Variants in KCNQ1 observed in about 807,000 individuals in gnomAD.
The protein encoded by KCNQ1 is potassium voltage-gated channel subfamily KQT member 1.
Under a neutral mutation model 72.4 loss-of-function variants are expected in KCNQ1, and 49 were observed. The ratio of observed to expected loss-of-function variants is 0.68; its 90% CI spans 0.54 to 0.86. The LOEUF (loss-of-function observed/expected upper bound fraction) is 0.86. KCNQ1 is among the 40% of genes least tolerant of loss of function. The pLI, the probability that KCNQ1 is intolerant of heterozygous loss-of-function variation, is 0.00. For synonymous variants in KCNQ1, 450 were observed against 412.6 expected (o/e 1.09, Z -1.10); for missense variants, 790 against 945.1 (o/e 0.84, Z 2.15).
In KCNQ1 at chr11:2,762,554, C is replaced by G. The variant is rs1361792021; in HGVS notation, c.1515-6290C>G. 6.6e-6 allele frequency among the ~76,000 whole-genome samples: 1 copy of G among 152,212 alleles called. No homozygotes were observed. The highest frequency in any genetic ancestry group is 1.9e-4 in the East Asian group (1 of 5,188). On this transcript the variant is annotated intron_variant, in intron 11 of 15. Transcript: ENST00000155840. The surrounding 1 kb of genome is among the most constrained non-coding windows in gnomAD (Gnocchi z 4.3). Reference sequence around the variant, plus strand: ...GTCTAATGTCCTATTCCACGGGTCCCCAGGCCACAGACCGGTACCCATCCA... The same window carrying G: ...GTCTAATGTCCTATTCCACGGGTCCGCAGGCCACAGACCGGTACCCATCCA...
chr11:2,632,197 A>AG (rs1026006701), intron 10 of KCNQ1: 36 of 397,854 alleles, frequency 9.0e-5, no homozygotes, highest in Admixed American at 1.8e-4. Context: ...AAAAAAAAAA[A>AG]AAAAAAGAAA....
chr11:2,762,929 TAATC>T lies in KCNQ1; in HGVS notation c.1515-5912_1515-5909del, dbSNP rs1328113859. 2.0e-5 allele frequency among the ~76,000 whole-genome samples: 3 copies of T among 152,218 alleles called. No homozygotes were observed. The highest frequency in any genetic ancestry group is 2.9e-5 in the Non-Finnish European group (2 of 68,030). On this transcript the variant is annotated intron_variant, in intron 11 of 15. Transcript: ENST00000155840. The surrounding 1 kb of genome is among the most constrained non-coding windows in gnomAD (Gnocchi z 4.3). Reference sequence around the variant, plus strand: ...GTTCATCTGTCTGCCCACACGCTCTTAATCAAGCCCTGTGGCCTCATGAAACCCT... The same window carrying T: ...GTTCATCTGTCTGCCCACACGCTCTTAAGCCCTGTGGCCTCATGAAACCCT...
chr11:2,583,239 C>T (rs371574457), intron 6 of KCNQ1, among the ~76,000 whole-genome samples, 196 bp from the exon 7 acceptor site: 5 of 152,252 alleles, frequency 3.3e-5, no homozygotes, highest in South Asian at 2.1e-4. Flanking sequence ...TTGTGTGTGA[C>T]GCCGAGAGCC....
chr11:2,769,183 G>T lies in KCNQ1; in HGVS notation c.1590+264G>T, dbSNP rs1846548476. 6.6e-6 allele frequency among the ~76,000 whole-genome samples: 1 copy of T among 152,134 alleles called. No homozygotes were observed. Among genetic ancestry groups the T allele is most frequent in the Non-Finnish European group, 1.5e-5 (1 of 68,040 alleles). On this transcript the variant is annotated intron_variant, in intron 12 of 15. Transcript: ENST00000155840. The surrounding 1 kb of genome is among the most constrained non-coding windows in gnomAD (Gnocchi z 4.6). Reference sequence around the variant, plus strand: ...TGTCTTCTTCACCAAGTAGAAGGCAGCAGCCGTGTAGCTCACTCAGTCCTC... The same window carrying T: ...TGTCTTCTTCACCAAGTAGAAGGCATCAGCCGTGTAGCTCACTCAGTCCTC...
intron 13 of KCNQ1, among the ~76,000 whole-genome samples, chr11:2,776,687 G>A (rs1846708288): frequency 6.6e-6 from 1 of 152,172 alleles, no homozygotes; most frequent in Non-Finnish European, 1.5e-5. Flanking sequence ...CACAGGCGAG[G>A]GGTCAGGCTG....
At chr11:2,461,864 G>A in intron 1 of KCNQ1, 1 of 525,198 alleles carries the variant, frequency 1.9e-6, no homozygotes, top group Non-Finnish European at 3.2e-6. Flanking sequence ...AGGGGTGGGT[G>A]GACGGAGGGA....
At chr11:2,614,317 T>A (rs1849026015) in intron 10 of KCNQ1, 1 of 398,500 alleles carries the variant, frequency 2.5e-6, no homozygotes, top group East Asian at 3.6e-5. Flanking sequence ...TGGTGATAAT[T>A]CTGTCTGTGC....
In KCNQ1 at chr11:2,518,451, A is replaced by G. The variant is rs182145612; in HGVS notation, c.387-9477A>G. 3.9e-5 allele frequency among the ~76,000 whole-genome samples: 6 copies of G among 152,282 alleles called. No homozygotes were observed. In the East Asian group the frequency reaches 7.8e-4, roughly 20 times the overall value. On this transcript the variant is annotated intron_variant, in intron 1 of 15. Coordinates refer to ENST00000155840, the MANE Select transcript of KCNQ1 (RefSeq NM_000218.3). ...GCCTGGTGGCCCCGGCAGGGGGACC[A>G]GCCTCTGGGGAGGTGCTGCAGGCAC...
At chr11:2,460,613 A>G (rs1411699900) in intron 1 of KCNQ1, among the ~76,000 whole-genome samples, 2 of 152,280 alleles carry the variant, frequency 1.3e-5, no homozygotes, top group East Asian at 3.9e-4. Context: ...CCCAGCTGTA[A>G]GTGGACCTTG....
intron 15 of KCNQ1, among the ~76,000 whole-genome samples, chr11:2,778,741 C>T (rs1564890281): frequency 6.6e-6 from 1 of 152,262 alleles, no homozygotes; most frequent in Admixed American, 6.5e-5. Flanking sequence ...AGTCCGTCTA[C>T]ATGGACTTTA....
chr11:2,475,816 A>G lies in KCNQ1; in HGVS notation c.386+30332A>G, dbSNP rs1589901547. 2.0e-5 allele frequency among the ~76,000 whole-genome samples: 3 copies of G among 152,212 alleles called. No individual in the cohort carries two copies. The highest frequency in any genetic ancestry group is 2.1e-4 in the South Asian group (1 of 4,822). ...GTTTTAAAAAGAGGCATTCCGCTACACAAGCTCTCTCATGTTTTGCCTGCC... is the reference window on the plus strand; with the variant it reads ...GTTTTAAAAAGAGGCATTCCGCTACGCAAGCTCTCTCATGTTTTGCCTGCC... On this transcript the variant is annotated intron_variant, in intron 1 of 15. Transcript: ENST00000155840. This position sits in a 1 kb window ranked among gnomAD's most constrained non-coding sequence, Gnocchi z 5.8.
Position 2,673,338 on chromosome 11 carries a change from A to G in KCNQ1, c.1514+11257A>G, listed in dbSNP as rs1003589171. The G allele has an allele frequency of 3.0e-5, 12 of 398,626 alleles. No individual in the cohort carries two copies. Among genetic ancestry groups the G allele is most frequent in the Non-Finnish European group, 4.4e-6 (1 of 226,136 alleles). The allele number at this position is 398,626 out of a possible 1,614,324, so 24.7% of individuals were successfully genotyped here. Reference sequence around the variant, plus strand: ...GGCTACCAGGCCAGCTTTTGGAAACAGTCTCATTAGCAAACAAAGGGAAGT... The same window carrying G: ...GGCTACCAGGCCAGCTTTTGGAAACGGTCTCATTAGCAAACAAAGGGAAGT... On this transcript the variant is annotated intron_variant, in intron 11 of 15. Transcript: ENST00000155840. This position sits in a 1 kb window ranked among gnomAD's most constrained non-coding sequence, Gnocchi z 4.5.
chr11:2,614,818 G>C (rs989441407), intron 10 of KCNQ1: 86 of 398,262 alleles, frequency 2.2e-4, no homozygotes, highest in African/African-American at 1.6e-3. Flanking sequence ...TTTGAAAATG[G>C]CAGGCCTGAG....
Position 2,620,710 on chromosome 11 carries a change from AT to A in KCNQ1, c.1393+31857del, listed in dbSNP as rs1251233113. 1 of 398,574 alleles carries A rather than the reference AT, an allele frequency of 2.5e-6. No individual in the cohort carries two copies. The highest frequency in any genetic ancestry group is 6.3e-4 in the Middle Eastern group (1 of 1,588). 24.7% of individuals were successfully genotyped at this position (398,574 alleles called of 1,614,324 possible). A position where few individuals can be genotyped will look rare whatever the true frequency, so the allele number is the denominator to read the frequency against. On this transcript the variant is annotated intron_variant, in intron 10 of 15. Transcript: ENST00000155840. The surrounding 1 kb of genome is among the most constrained non-coding windows in gnomAD (Gnocchi z 4.5). ...TTTTCCTTTGAATATATATCCAGTA[AT>A]GGGATTGCTGGGTCAGATGGTAGTT...
chr11:2,576,024 C>G (rs551084071), intron 6 of KCNQ1, among the ~76,000 whole-genome samples: 1 of 152,262 alleles, frequency 6.6e-6, no homozygotes, highest in African/African-American at 2.4e-5. Context: ...CAGGCCCTGT[C>G]TCTCATGAGG....
intron 11 of KCNQ1, among the ~76,000 whole-genome samples, chr11:2,757,783 A>G (rs1333694195): frequency 6.6e-6 from 1 of 152,254 alleles, no homozygotes; most frequent in Non-Finnish European, 1.5e-5. Context: ...TAATTTTAAG[A>G]CAAAGATGCA....
Position 2,684,812 on chromosome 11 carries a change from T to C in KCNQ1, c.1514+22731T>C, listed in dbSNP as rs77387434. The C allele has an allele frequency of 3.0e-3, 1,191 of 398,672 alleles. 13 individuals are homozygous for C. The highest frequency in any genetic ancestry group is 0.021 in the African/African-American group (1,045 of 48,750). 24.7% of individuals were successfully genotyped at this position (398,672 alleles called of 1,614,324 possible). On this transcript the variant is annotated intron_variant, in intron 11 of 15. Coordinates refer to ENST00000155840, the MANE Select transcript of KCNQ1 (RefSeq NM_000218.3). The stretch of plus-strand genomic sequence containing the variant: ...CACTGGTCTGGGCACATTCCAAGGC[T>C]TGAGGTCTCCTAGTCAAGGCCTCCT...
intron 10 of KCNQ1, chr11:2,615,234 T>C (rs1328077859): frequency 1.0e-5 from 4 of 398,036 alleles, no homozygotes; most frequent in Non-Finnish European, 1.8e-5. Context: ...ATGATTTTCT[T>C]AAAATAAATG....
rs548214997 is a variant in KCNQ1 at position 2,587,808 on chromosome 11, T to A, written c.1251+116T>A. The A allele has an allele frequency of 2.5e-5, 35 of 1,419,728 alleles. No homozygotes were observed. The East Asian group carries it at 4.8e-4, about 20-fold the overall frequency. 87.9% of individuals were successfully genotyped at this position (1,419,728 alleles called of 1,614,324 possible). ...TGCATTTGGCTTGGTACAGCCTGTG[T>A]CAGGGAGTCAGCATCGTTCGGGACA... On this transcript the variant is annotated intron_variant, in intron 9 of 15. Coordinates refer to ENST00000155840, the MANE Select transcript of KCNQ1 (RefSeq NM_000218.3).
Sources: allele counts gnomAD v4.1 joint callset (sites outside exome capture counted in the v4.1 genomes callset), GRCh38; gene constraint gnomAD v4.1.1; non-coding constraint Gnocchi (gnomAD v3.1); transcripts MANE v1.5; gene names NCBI Gene and HGNC (gene_info 2026-07-23, HGNC 2026-07-21).